CDH13: variants seen among roughly 807,000 people sequenced by gnomAD.
CDH13 encodes the protein cadherin 13.
Under a neutral mutation model 63.8 loss-of-function variants are expected in CDH13, and 24 were observed. The ratio of observed to expected loss-of-function variants is 0.38; its 90% CI spans 0.27 to 0.53. CDH13 has a LOEUF of 0.53. CDH13 is among the 20% of genes least tolerant of loss of function. The pLI, the probability that CDH13 is intolerant of heterozygous loss-of-function variation, is 0.85. For synonymous variants in CDH13, 503 were observed against 355.3 expected (o/e 1.42, Z -4.67); for missense variants, 1,049 against 903.1 (o/e 1.16, Z -2.07).
chr16:83,786,728 C>T (rs1459833408), intron 13 of CDH13, among the ~76,000 whole-genome samples: 4 of 152,088 alleles, frequency 2.6e-5, no homozygotes, highest in Non-Finnish European at 5.9e-5. Context: ...GCTAGGATTA[C>T]AGGCATGCAC....
At chr16:83,009,253 G>A (rs1312671013) in intron 2 of CDH13, among the ~76,000 whole-genome samples, 3 of 152,152 alleles carry the variant, frequency 2.0e-5, no homozygotes, top group African/African-American at 7.2e-5. Flanking sequence ...CTTCTGAGAG[G>A]GGCTACTTCT....
intron 7 of CDH13, among the ~76,000 whole-genome samples, chr16:83,569,423 T>C (rs78632130): frequency 0.019 from 2,956 of 152,334 alleles, 82 homozygotes; most frequent in African/African-American, 0.067. Context: ...GGAGTAACTT[T>C]AGACAATTTG....
intron 2 of CDH13, chr16:82,990,084 T>C (rs866529220): frequency 1.3e-5 from 2 of 152,176 alleles, no homozygotes; most frequent in African/African-American, 2.4e-5. Context: ...TCATGATTTT[T>C]TTTTTCTCTG....
intron 6 of CDH13, among the ~76,000 whole-genome samples, chr16:83,441,748 A>C (rs1289999714): frequency 6.6e-6 from 1 of 152,084 alleles, no homozygotes; most frequent in Non-Finnish European, 1.5e-5. Flanking sequence ...CTGGGAAGAG[A>C]GAGAGTACCT....
In CDH13 at chr16:83,018,816, C is replaced by A. The variant is rs11645806; in HGVS notation, c.158-13194C>A. On this transcript the variant is annotated intron_variant, in intron 2 of 13. Coordinates refer to ENST00000567109, the MANE Select transcript of CDH13 (RefSeq NM_001257.5). Reference sequence around the variant, plus strand: ...TACTGAGTGCTATAGGCAATTGTAACACAATGGCAAGTGGTTGTGTATCTA... The same window carrying A: ...TACTGAGTGCTATAGGCAATTGTAAAACAATGGCAAGTGGTTGTGTATCTA... Among the ~76,000 whole-genome samples, 835 of 152,142 alleles carry A rather than the reference C, an allele frequency of 5.5e-3. 10 individuals carry two copies. Among genetic ancestry groups the A allele is most frequent in the African/African-American group, 0.019 (794 of 41,498 alleles).
intron 6 of CDH13, among the ~76,000 whole-genome samples, chr16:83,422,168 G>A (rs1478747655): frequency 6.6e-6 from 1 of 152,108 alleles, no homozygotes; most frequent in East Asian, 1.9e-4. Flanking sequence ...CCTTTAATTA[G>A]ATATTCTAGA....
At chr16:83,509,899 G>C (rs562606209) in intron 7 of CDH13, among the ~76,000 whole-genome samples, 25 of 152,284 alleles carry the variant, frequency 1.6e-4, no homozygotes, top group African/African-American at 5.5e-4. Context: ...TAGATGACTG[G>C]CTCAAGGTCA....
intron 7 of CDH13, among the ~76,000 whole-genome samples, chr16:83,528,992 G>C (rs1448568259): frequency 6.6e-6 from 1 of 152,084 alleles, no homozygotes; most frequent in Non-Finnish European, 1.5e-5. Context: ...CCACCTGACT[G>C]AAATATAGTG....
chr16:83,357,913 G>A (rs74336712), intron 6 of CDH13, among the ~76,000 whole-genome samples: 2,548 of 152,244 alleles, frequency 0.017, 74 homozygotes, highest in African/African-American at 0.057. Flanking sequence ...AGCATTTTGC[G>A]AGTGGGAGAT....
At chr16:82,889,541 A>G (rs979731293) in intron 2 of CDH13, among the ~76,000 whole-genome samples, 3 of 152,248 alleles carry the variant, frequency 2.0e-5, no homozygotes, top group Non-Finnish European at 4.4e-5. Flanking sequence ...GGATCTTATT[A>G]ACAGCCAAAG....
intron 2 of CDH13, among the ~76,000 whole-genome samples, chr16:82,987,972 G>A (rs962976755): frequency 6.6e-6 from 1 of 152,190 alleles, no homozygotes; most frequent in Non-Finnish European, 1.5e-5. Flanking sequence ...CTCATTGTTT[G>A]CTACACTAGC....
intron 4 of CDH13, among the ~76,000 whole-genome samples, chr16:83,177,815 G>A (rs1210305790): frequency 6.6e-6 from 1 of 152,188 alleles, no homozygotes; most frequent in Non-Finnish European, 1.5e-5. Context: ...GTGCTCTCAT[G>A]AAGCACTTAC....
At chr16:83,464,731 C>A (rs1452984403) in intron 6 of CDH13, among the ~76,000 whole-genome samples, 1 of 152,158 alleles carries the variant, frequency 6.6e-6, no homozygotes, top group Non-Finnish European at 1.5e-5. Context: ...CTCATTTTAA[C>A]TAATTACATC....
At chr16:82,936,647 G>A (rs141229510) in intron 2 of CDH13, among the ~76,000 whole-genome samples, 8 of 152,140 alleles carry the variant, frequency 5.3e-5, no homozygotes, top group East Asian at 3.9e-4. Flanking sequence ...CTAGTCCCCC[G>A]AGTGGTGATG....
intron 4 of CDH13, among the ~76,000 whole-genome samples, chr16:83,134,995 T>C (rs2036219724): frequency 6.6e-6 from 1 of 152,238 alleles, no homozygotes; most frequent in Admixed American, 6.5e-5. Context: ...AGACTGAATT[T>C]ATATTTAATT....
chr16:83,486,469 C>A lies in CDH13; in HGVS notation c.782-8C>A, dbSNP rs2073892924. 1.2e-6 allele frequency: 2 copies of A among 1,609,770 alleles called. No individual in the cohort carries two copies. The highest frequency in any genetic ancestry group is 1.7e-6 in the Non-Finnish European group (2 of 1,177,338). ...ACCATTCCGTGCCTTTCTGTCTTGC[C>A]CCGGTAGGCACCACAGTGATGCGGA... On this transcript the variant is annotated splice_polypyrimidine_tract_variant and splice_region_variant and intron_variant, in intron 6 of 13. Transcript: ENST00000567109.
intron 8 of CDH13, among the ~76,000 whole-genome samples, chr16:83,652,594 A>G (rs557671648): frequency 2.7e-4 from 41 of 152,188 alleles, no homozygotes; most frequent in Non-Finnish European, 4.6e-4. Context: ...CTGGCCCCTC[A>G]TGCCATTCAC....
rs190750730 is a variant in CDH13, at chr16:82,643,653, C to T, written c.45+16516C>T. On this transcript the variant is annotated intron_variant, in intron 1 of 13. Transcript: ENST00000567109. ...AAAGTGAATTAAGAACCATCTTTTG[C>T]CTCACTGGTTATTATTCTCATAGTA... 4.4e-3 allele frequency among the ~76,000 whole-genome samples: 663 copies of T among 152,316 alleles called. 1 individual carries two copies. The highest frequency in any genetic ancestry group is 7.3e-3 in the Non-Finnish European group (498 of 68,014).
At chr16:82,629,413 T>A (rs1907737989) in intron 1 of CDH13, among the ~76,000 whole-genome samples, 1 of 152,242 alleles carries the variant, frequency 6.6e-6, no homozygotes, top group African/African-American at 2.4e-5. Context: ...AGAAATCATT[T>A]TGATGCAATC....
Sources: gnomAD v4.1 joint callset for allele counts (sites outside exome capture counted in the v4.1 genomes callset) on GRCh38, gnomAD v4.1.1 for gene constraint, MANE v1.5 for transcripts, NCBI Gene and HGNC (gene_info 2026-07-23, HGNC 2026-07-21) for gene names.